The following PRKCA variants were observed in gnomAD, a reference collection of about 807,000 sequenced individuals.
The protein encoded by PRKCA is protein kinase C alpha, also known as protein kinase C alpha type.
PRKCA carries 27 observed loss-of-function variants against 87.0 expected under a neutral mutation model. The ratio of observed to expected loss-of-function variants is 0.31; its 90% confidence interval spans 0.23 to 0.43. The LOEUF (loss-of-function observed/expected upper bound fraction) is 0.43. Ranked by LOEUF, PRKCA falls within the 20% of genes least tolerant of loss-of-function variation. The pLI, the probability that PRKCA is intolerant of heterozygous loss-of-function variation, is 1.00. For synonymous variants in PRKCA, 329 were observed against 311.1 expected (o/e 1.06, Z -0.61); for missense variants, 518 against 852.3 (o/e 0.61, Z 4.88).
intron 14 of PRKCA, chr17:66,777,114 A>T: frequency 1.8e-6 from 1 of 569,598 alleles, no homozygotes; most frequent in Non-Finnish European, 2.2e-6. Flanking sequence ...AGAGAGAGTT[A>T]ACCACCTGAT....
chr17:66,385,542 A>G (rs529978120), intron 2 of PRKCA, among the ~76,000 whole-genome samples: 187 of 152,250 alleles, frequency 1.2e-3, no homozygotes, highest in Non-Finnish European at 2.2e-3. Context: ...TAAACTTGTA[A>G]TATTTTTTAT....
chr17:66,749,875 G>A (rs1974391152), intron 13 of PRKCA, among the ~76,000 whole-genome samples: 1 of 151,968 alleles, frequency 6.6e-6, no homozygotes, highest in South Asian at 2.1e-4. Context: ...TGCAGAGAAG[G>A]GCCACACCAC....
intron 5 of PRKCA, among the ~76,000 whole-genome samples, chr17:66,682,565 G>A (rs1012982305): frequency 2.0e-5 from 3 of 152,262 alleles, no homozygotes; most frequent in African/African-American, 7.2e-5. Context: ...CACTGCTTCT[G>A]CAGCTGAAGG....
chr17:66,647,528 C>T (rs1056700777), intron 5 of PRKCA, among the ~76,000 whole-genome samples: 2 of 152,210 alleles, frequency 1.3e-5, no homozygotes, highest in Non-Finnish European at 1.5e-5. Context: ...GTGCCGTCTT[C>T]TGTAATAAAA....
chr17:66,663,825 C>G (rs1971970890), intron 5 of PRKCA, among the ~76,000 whole-genome samples: 1 of 151,526 alleles, frequency 6.6e-6, no homozygotes, highest in Non-Finnish European at 1.5e-5. Context: ...AGCTCTTTCT[C>G]TTTGGAGTGT....
intron 2 of PRKCA, among the ~76,000 whole-genome samples, chr17:66,396,956 A>ATTT (rs1188380181): frequency 2.3e-5 from 2 of 85,520 alleles, no homozygotes; most frequent in Admixed American, 1.6e-4. Context: ...AACAATCAAG[A>ATTT]CTTTTTTTTT....
At chr17:66,726,234 GCGCAGGTGTT>G (rs1376462792) in intron 8 of PRKCA, among the ~76,000 whole-genome samples, 1 of 151,734 alleles carries the variant, frequency 6.6e-6, no homozygotes, top group African/African-American at 2.4e-5. Context: ...AGGACAGAAA[GCGCAGGTGTT>G]CGCAGGTGTG....
intron 3 of PRKCA, among the ~76,000 whole-genome samples, chr17:66,539,486 C>G (rs945610528): frequency 6.6e-6 from 1 of 151,612 alleles, no homozygotes; most frequent in Non-Finnish European, 1.5e-5. Flanking sequence ...TCACTGCAAG[C>G]TCCGCCTCTC....
chr17:66,509,163 CGTGT>C (rs372457121), intron 3 of PRKCA, among the ~76,000 whole-genome samples: 1 of 138,094 alleles, frequency 7.2e-6, no homozygotes, highest in Non-Finnish European at 1.6e-5. Context: ...AGAAAAGGAA[CGTGT>C]GTGTGTGTGT....
chr17:66,617,130 G>A (rs1054613893), intron 3 of PRKCA, among the ~76,000 whole-genome samples: 3 of 152,064 alleles, frequency 2.0e-5, no homozygotes, highest in Non-Finnish European at 4.4e-5. Flanking sequence ...AATGTGAGAC[G>A]CCCAAGATCA....
chr17:66,745,539 G>A (rs903213657), intron 13 of PRKCA, among the ~76,000 whole-genome samples: 4 of 151,532 alleles, frequency 2.6e-5, no homozygotes, highest in South Asian at 2.1e-4. Context: ...AAATTAGCCG[G>A]GTGTGGTGGC....
chr17:66,483,069 G>A (rs780995173), intron 2 of PRKCA, among the ~76,000 whole-genome samples: 2 of 152,088 alleles, frequency 1.3e-5, no homozygotes, highest in South Asian at 2.1e-4. Flanking sequence ...TAGAGCTGTC[G>A]GGGAAGAATG....
chr17:66,322,987 AC>A (rs1905771929), intron 2 of PRKCA, among the ~76,000 whole-genome samples: 1 of 152,206 alleles, frequency 6.6e-6, no homozygotes, highest in Admixed American at 6.5e-5. Flanking sequence ...CACTATTATG[AC>A]TTTTAGATTC....
chr17:66,641,555 A>G, intron 4 of PRKCA, 89 bp downstream of exon 4: 1 of 794,570 alleles, frequency 1.3e-6, no homozygotes, highest in Non-Finnish European at 2.1e-6. Context: ...TAACTTTTCA[A>G]CACCAACTCT....
chr17:66,412,475 T>G (rs1159001947), intron 2 of PRKCA, among the ~76,000 whole-genome samples: 1 of 152,198 alleles, frequency 6.6e-6, no homozygotes, highest in African/African-American at 2.4e-5. Flanking sequence ...TGAATAAAGT[T>G]AAGGTGTCAC....
intron 2 of PRKCA, among the ~76,000 whole-genome samples, chr17:66,458,292 A>G (rs1012144823): frequency 6.6e-6 from 1 of 152,170 alleles, no homozygotes; most frequent in Non-Finnish European, 1.5e-5. Flanking sequence ...TATTTAGGCC[A>G]TTGAAATAAA....
chr17:66,512,283 A>G (rs116995547), intron 3 of PRKCA, among the ~76,000 whole-genome samples: 6,177 of 152,208 alleles, frequency 0.041, 197 homozygotes, highest in Admixed American at 0.064. Flanking sequence ...CTCTACTAAA[A>G]ATATAAAAAT....
chr17:66,561,488 C>T (rs189114730), intron 3 of PRKCA, among the ~76,000 whole-genome samples: 26 of 152,212 alleles, frequency 1.7e-4, no homozygotes, highest in Non-Finnish European at 3.4e-4. Flanking sequence ...TGTCATTCAG[C>T]GTGTGTCATG....
At chr17:66,374,275 CTT>C (rs1909286490) in intron 2 of PRKCA, among the ~76,000 whole-genome samples, 1 of 152,182 alleles carries the variant, frequency 6.6e-6, no homozygotes, top group Non-Finnish European at 1.5e-5. Context: ...TGTGTCCCCG[CTT>C]TGCCAGCTCT....
Sources: gnomAD v4.1 joint callset for allele counts (sites outside exome capture counted in the v4.1 genomes callset) on GRCh38, gnomAD v4.1.1 for gene constraint, MANE v1.5 for transcripts, NCBI Gene and HGNC (gene_info 2026-07-23, HGNC 2026-07-21) for gene names.